LRRTM4: variants seen among roughly 807,000 people sequenced by gnomAD.
The protein encoded by LRRTM4 is leucine-rich repeat transmembrane neuronal protein 4.
LRRTM4 carries 25 observed loss-of-function variants against 47.6 expected under a neutral mutation model. That is an observed-to-expected ratio of 0.53 (90% CI 0.38 to 0.73). The LOEUF (loss-of-function observed/expected upper bound fraction) is 0.73. Ranked by LOEUF, LRRTM4 falls within the 30% of genes least tolerant of loss-of-function variation. The pLI, the probability that LRRTM4 is intolerant of heterozygous loss-of-function variation, is 0.00. For missense variants in LRRTM4, 638 were observed against 713.4 expected (o/e 0.89, Z 1.20); for synonymous variants, 311 against 269.5 (o/e 1.15, Z -1.51).
chr2:77,314,721 C>A (rs1271827770), intron 3 of LRRTM4, among the ~76,000 whole-genome samples: 1 of 152,122 alleles, frequency 6.6e-6, no homozygotes, highest in Non-Finnish European at 1.5e-5. Context: ...TACAGAGGAT[C>A]CCCAGCTAAA....
chr2:77,038,040 A>T (rs144861979), intron 3 of LRRTM4, among the ~76,000 whole-genome samples: 3 of 151,628 alleles, frequency 2.0e-5, no homozygotes, highest in Non-Finnish European at 4.4e-5. Context: ...TATAGTAAGC[A>T]GACTTTCTCC....
chr2:77,215,528 T>A (rs1042591159), intron 3 of LRRTM4, among the ~76,000 whole-genome samples: 1 of 152,198 alleles, frequency 6.6e-6, no homozygotes, highest in African/African-American at 2.4e-5. Context: ...TTTTTTTCTT[T>A]AACTATTCTT....
chr2:77,384,859 T>C (rs1302268990), intron 3 of LRRTM4, among the ~76,000 whole-genome samples: 1 of 152,088 alleles, frequency 6.6e-6, no homozygotes, highest in African/African-American at 2.4e-5. Context: ...AACTTTATCT[T>C]GCTATAAGCT....
chr2:77,323,989 C>T (rs904205928), intron 3 of LRRTM4, among the ~76,000 whole-genome samples: 11 of 152,122 alleles, frequency 7.2e-5, no homozygotes, highest in East Asian at 1.9e-4. Context: ...AATATTAGAT[C>T]GTCATAATTA....
Position 76,747,694 on chromosome 2 carries a change from C to T in LRRTM4, c.*1001G>A, listed in dbSNP as rs1418544712. On this transcript the variant is annotated 3_prime_UTR_variant, in exon 4 of 4. Transcript: ENST00000409884. Reference sequence around the variant, plus strand: ...GATAAAGCACTCAGCATTAGGTGGGCTGTGGTATACCAACCACAAAATAAT... The same window carrying T: ...GATAAAGCACTCAGCATTAGGTGGGTTGTGGTATACCAACCACAAAATAAT... 1 of 152,182 alleles carries T rather than the reference C, an allele frequency of 6.6e-6. No individual in the cohort carries two copies. The highest frequency in any genetic ancestry group is 1.5e-5 in the Non-Finnish European group (1 of 68,036). The allele number at this position is 152,182 out of a possible 1,614,324, so 9.4% of individuals were successfully genotyped here. A position where few individuals can be genotyped will look rare whatever the true frequency, so the allele number is the denominator to read the frequency against.
intron 3 of LRRTM4, among the ~76,000 whole-genome samples, chr2:77,219,222 G>A (rs1674548572): frequency 6.6e-6 from 1 of 152,140 alleles, no homozygotes; most frequent in South Asian, 2.1e-4. Flanking sequence ...TATGGATTTC[G>A]GAGACCTAAT....
chr2:76,805,211 G>T (rs1016542437), intron 3 of LRRTM4, among the ~76,000 whole-genome samples: 3 of 152,008 alleles, frequency 2.0e-5, no homozygotes, highest in Non-Finnish European at 2.9e-5. Context: ...AATTCCACTT[G>T]TGGGAAAAAG....
intron 3 of LRRTM4, among the ~76,000 whole-genome samples, chr2:77,212,798 A>C (rs1229719475): frequency 6.6e-6 from 1 of 152,056 alleles, no homozygotes; most frequent in Non-Finnish European, 1.5e-5. Flanking sequence ...CCTCTAATAC[A>C]ATTGTTTATA....
At chr2:77,090,461 G>A (rs913384196) in intron 3 of LRRTM4, among the ~76,000 whole-genome samples, 1 of 151,972 alleles carries the variant, frequency 6.6e-6, no homozygotes, top group African/African-American at 2.4e-5. Flanking sequence ...ATTAAATTCT[G>A]GCCCTCAAAC....
At position 77,522,232 on chromosome 2, in the gene LRRTM4, A is replaced by G; in HGVS notation, c.-271T>C. On this transcript the variant is annotated 5_prime_UTR_variant, in exon 1 of 4. Transcript: ENST00000409884. The stretch of plus-strand genomic sequence containing the variant: ...TGAGACCCCAGTTTAAAAGCTATGC[A>G]GGCTAGGTTTATCCATTTAGCTGGT... The G allele has an allele frequency of 1.5e-6, 1 of 669,358 alleles. No homozygotes were observed. The highest frequency in any genetic ancestry group is 2.7e-6 in the Non-Finnish European group (1 of 364,290). 41.5% of individuals were successfully genotyped at this position (669,358 alleles called of 1,614,324 possible). A position where few individuals can be genotyped will look rare whatever the true frequency, so the allele number is the denominator to read the frequency against.
chr2:77,316,826 G>A (rs1027009895), intron 3 of LRRTM4, among the ~76,000 whole-genome samples: 29 of 152,156 alleles, frequency 1.9e-4, no homozygotes, highest in Non-Finnish European at 3.8e-4. Context: ...GATTATATGC[G>A]TGAGCCACTG....
At chr2:77,332,731 G>C in intron 3 of LRRTM4, among the ~76,000 whole-genome samples, 1 of 152,126 alleles carries the variant, frequency 6.6e-6, no homozygotes, top group Non-Finnish European at 1.5e-5. Flanking sequence ...ATACTCACAT[G>C]CATAATGTAA....
chr2:76,981,221 G>A (rs10164510), intron 3 of LRRTM4, among the ~76,000 whole-genome samples: 9,438 of 152,066 alleles, frequency 0.062, 892 homozygotes, highest in African/African-American at 0.21. Flanking sequence ...TGGGAAATAC[G>A]GACATGTGAC....
chr2:77,424,164 G>A (rs1675015994), intron 3 of LRRTM4, among the ~76,000 whole-genome samples: 1 of 152,130 alleles, frequency 6.6e-6, no homozygotes, highest in Non-Finnish European at 1.5e-5. Flanking sequence ...ATCTGGTTTT[G>A]TGTTATTGCT....
At chr2:76,838,388 T>C (rs1036189000) in intron 3 of LRRTM4, among the ~76,000 whole-genome samples, 5 of 152,094 alleles carry the variant, frequency 3.3e-5, no homozygotes, top group Non-Finnish European at 5.9e-5. Flanking sequence ...GTTTAATGTG[T>C]AGCCCTAAAT....
intron 3 of LRRTM4, among the ~76,000 whole-genome samples, chr2:77,511,964 T>G (rs1344931779): frequency 2.6e-5 from 4 of 152,138 alleles, no homozygotes; most frequent in Non-Finnish European, 4.4e-5. Flanking sequence ...TTTGTATGTT[T>G]AAGAGACAGC....
chr2:76,779,599 T>C (rs1674233285), intron 3 of LRRTM4, among the ~76,000 whole-genome samples: 2 of 150,556 alleles, frequency 1.3e-5, no homozygotes, highest in South Asian at 2.1e-4. Context: ...CCTTTTTTTG[T>C]TTTCCATTGG....
chr2:76,954,928 AAAAAC>A (rs986518608), intron 3 of LRRTM4, among the ~76,000 whole-genome samples: 1 of 151,914 alleles, frequency 6.6e-6, no homozygotes, highest in African/African-American at 2.4e-5. Flanking sequence ...AAACAAAAAC[AAAAAC>A]AAAACAAAAA....
chr2:77,434,083 G>C (rs1675493134), intron 3 of LRRTM4, among the ~76,000 whole-genome samples: 1 of 152,114 alleles, frequency 6.6e-6, no homozygotes, highest in Non-Finnish European at 1.5e-5. Context: ...AATGGGTCTA[G>C]ATGTGAGATT....
Sources: allele counts gnomAD v4.1 joint callset (sites outside exome capture counted in the v4.1 genomes callset), GRCh38; gene constraint gnomAD v4.1.1; transcripts MANE v1.5; gene names NCBI Gene and HGNC (gene_info 2026-07-23, HGNC 2026-07-21).